PHF20: variants seen among roughly 807,000 people sequenced by gnomAD.
PHF20 encodes PHD finger protein 20.
Under a neutral mutation model 113.5 loss-of-function variants are expected in PHF20, and 23 were observed. The observed-to-expected ratio is 0.20, with a 90% CI of 0.15 to 0.29. The LOEUF (loss-of-function observed/expected upper bound fraction) is 0.29, where lower values mean the gene tolerates loss of function less well. Ranked by LOEUF, PHF20 falls within the 10% of genes least tolerant of loss-of-function variation. The probability of loss-of-function intolerance (pLI) is 1.00; values close to 1 mark genes in which losing one functional copy is unlikely to be tolerated. For synonymous variants in PHF20, 434 were observed against 457.3 expected (o/e 0.95, Z 0.65); for missense variants, 943 against 1,219.6 (o/e 0.77, Z 3.38).
At chr20:35,924,333 T>C (rs1294188640) in intron 13 of PHF20, among the ~76,000 whole-genome samples, 1 of 151,694 alleles carries the variant, frequency 6.6e-6, no homozygotes, top group East Asian at 1.9e-4. Flanking sequence ...TAGCTGGGAT[T>C]ACAGGCATGC....
intron 2 of PHF20, among the ~76,000 whole-genome samples, chr20:35,816,947 C>T (rs2042086794): frequency 6.6e-6 from 1 of 151,176 alleles, no homozygotes; most frequent in East Asian, 2.0e-4. Context: ...TGCACCACTA[C>T]GCCTGGCTAA....
chr20:35,783,022 C>T (rs532931877), intron 1 of PHF20, among the ~76,000 whole-genome samples: 3 of 151,954 alleles, frequency 2.0e-5, no homozygotes, highest in South Asian at 4.2e-4. Context: ...AGTGAAACCT[C>T]ATCTCTATAA....
At chr20:35,909,676 G>C (rs957773396) in intron 10 of PHF20, among the ~76,000 whole-genome samples, 1 of 152,096 alleles carries the variant, frequency 6.6e-6, no homozygotes, top group African/African-American at 2.4e-5. Flanking sequence ...TTTCTTTCTA[G>C]TTGCAGGGTA....
chr20:35,909,315 G>A (rs1211154392), intron 10 of PHF20, among the ~76,000 whole-genome samples: 1 of 151,728 alleles, frequency 6.6e-6, no homozygotes, highest in Non-Finnish European at 1.5e-5. Flanking sequence ...ATGTAGCTCT[G>A]TGAGGGACAG....
At chr20:35,783,856 G>A (rs1382675788) in intron 1 of PHF20, among the ~76,000 whole-genome samples, 1 of 151,816 alleles carries the variant, frequency 6.6e-6, no homozygotes, top group Non-Finnish European at 1.5e-5. Context: ...GGTGGCACAT[G>A]CCTGTAATCT....
chr20:35,885,524 G>A, intron 9 of PHF20, among the ~76,000 whole-genome samples: 1 of 51,240 alleles, frequency 2.0e-5, no homozygotes, highest in Middle Eastern at 0.014. Context: ...GAGATCTTCA[G>A]TTTTTGTCTT....
chr20:35,827,517 G>A (rs2042281311), intron 2 of PHF20, among the ~76,000 whole-genome samples: 2 of 152,110 alleles, frequency 1.3e-5, no homozygotes, highest in South Asian at 4.1e-4. Context: ...GGGTGCGGTG[G>A]CTCACGCCTG....
Position 35,948,462 on chromosome 20 carries a change from G to A in PHF20, c.*835G>A, listed in dbSNP as rs1230095105. The A allele has an allele frequency of 6.6e-6, 1 of 152,594 alleles. No individual in the cohort carries two copies. The highest frequency in any genetic ancestry group is 1.5e-5 in the Non-Finnish European group (1 of 68,040). The allele number at this position is 152,594 out of a possible 1,614,324, so 9.5% of individuals were successfully genotyped here. ...TCCCAAAATTTCAAACTCTTTCACTGTAAAGATTTGTTACAAAGAATGTGG... is the reference window on the plus strand; with the variant it reads ...TCCCAAAATTTCAAACTCTTTCACTATAAAGATTTGTTACAAAGAATGTGG... On this transcript the variant is annotated 3_prime_UTR_variant, in exon 18 of 18. Transcript: ENST00000374012.
chr20:35,946,408 T>C (rs2056084048), intron 17 of PHF20, among the ~76,000 whole-genome samples: 1 of 152,102 alleles, frequency 6.6e-6, no homozygotes, highest in African/African-American at 2.4e-5. Flanking sequence ...CACTCCAGCC[T>C]GGGCGACACA....
chr20:35,873,571 C>G (rs181090468), intron 9 of PHF20, among the ~76,000 whole-genome samples: 1 of 148,876 alleles, frequency 6.7e-6, no homozygotes, highest in Non-Finnish European at 1.5e-5. Context: ...CGGGTTGAAG[C>G]GATTCATCTG....
At chr20:35,791,816 A>T (rs1427163812) in intron 1 of PHF20, among the ~76,000 whole-genome samples, 4 of 152,016 alleles carry the variant, frequency 2.6e-5, no homozygotes, top group Non-Finnish European at 2.9e-5. Context: ...AGGTGAGGGA[A>T]GGAGAAGGAG....
Position 35,891,940 on chromosome 20 carries a change from G to A in PHF20, c.1283-7430G>A, listed in dbSNP as rs1395870554. Among the ~76,000 whole-genome samples, 3 of 152,100 alleles carry A rather than the reference G, an allele frequency of 2.0e-5. No homozygotes were observed. In the East Asian group the frequency reaches 5.8e-4, roughly 29 times the overall value. ...GGCTGGAGTGCAGTGGGCAATCTTGGCTCACTGCAACCTCCGCCTACCGGG... is the reference window on the plus strand; with the variant it reads ...GGCTGGAGTGCAGTGGGCAATCTTGACTCACTGCAACCTCCGCCTACCGGG... On this transcript the variant is annotated intron_variant, in intron 9 of 17. Coordinates refer to ENST00000374012, the MANE Select transcript of PHF20 (RefSeq NM_016436.5).
intron 1 of PHF20, among the ~76,000 whole-genome samples, chr20:35,775,942 C>T (rs1327990250): frequency 6.6e-6 from 1 of 151,832 alleles, no homozygotes; most frequent in Non-Finnish European, 1.5e-5. Flanking sequence ...TCTTGAGTTT[C>T]AGGGACCACT....
At chr20:35,801,436 T>C in intron 1 of PHF20, 55 bp from the exon 2 acceptor site, 1 of 867,410 alleles carries the variant, frequency 1.2e-6, no homozygotes. Context: ...TGAATGATGC[T>C]ACACTCTGGG....
chr20:35,913,900 C>T (rs2055353135), intron 11 of PHF20, 133 bp from the exon 12 acceptor site: 1 of 779,198 alleles, frequency 1.3e-6, no homozygotes, highest in African/African-American at 1.7e-5. Context: ...GCTCTCCACA[C>T]CTCTTTTTGG....
intron 2 of PHF20, among the ~76,000 whole-genome samples, chr20:35,810,114 G>C (rs183661488): frequency 6.6e-6 from 1 of 152,170 alleles, no homozygotes; most frequent in East Asian, 1.9e-4. Flanking sequence ...ATTTCTAGTA[G>C]AGATGGGGTT....
At chr20:35,908,170 G>A (rs2055234085) in intron 10 of PHF20, among the ~76,000 whole-genome samples, 1 of 152,214 alleles carries the variant, frequency 6.6e-6, no homozygotes. Context: ...CCCAGGCCCT[G>A]GAGTGGGAGA....
chr20:35,923,621 C>T (rs1257146086), intron 13 of PHF20, among the ~76,000 whole-genome samples: 1 of 152,234 alleles, frequency 6.6e-6, no homozygotes, highest in African/African-American at 2.4e-5. Context: ...TCCGTAGAGT[C>T]AGCCCTTATC....
chr20:35,813,047 C>A (rs1339685803), intron 2 of PHF20, among the ~76,000 whole-genome samples: 1 of 152,210 alleles, frequency 6.6e-6, no homozygotes, highest in Non-Finnish European at 1.5e-5. Flanking sequence ...TGGCTCACTG[C>A]AAGCTCTGCC....
Sources: allele counts gnomAD v4.1 joint callset (sites outside exome capture counted in the v4.1 genomes callset), GRCh38; gene constraint gnomAD v4.1.1; transcripts MANE v1.5; gene names NCBI Gene and HGNC (gene_info 2026-07-23, HGNC 2026-07-21).